The following FAM149A variants were observed in gnomAD, a reference collection of about 807,000 sequenced individuals.
The protein encoded by FAM149A is protein FAM149A.
Under a neutral mutation model 78.2 loss-of-function variants are expected in FAM149A, and 71 were observed. The observed-to-expected ratio is 0.91, with a 90% CI of 0.75 to 1.11. FAM149A has a LOEUF of 1.11. Among genes scored for constraint, FAM149A ranks in the 50% least tolerant of loss-of-function variants. The probability of loss-of-function intolerance (pLI) is 0.00; values close to 1 mark genes in which losing one functional copy is unlikely to be tolerated. For synonymous variants in FAM149A, 446 were observed against 410.5 expected, an observed-to-expected ratio of 1.09 and a Z score of -1.04; for missense variants, 1,036 against 971.0, an observed-to-expected ratio of 1.07 and a Z score of -0.89.
chr4:186,154,875 C>T, intron 6 of FAM149A: 1 of 985,392 alleles, frequency 1.0e-6, no homozygotes, highest in South Asian at 4.7e-5. Flanking sequence ...CTCCTCGCAG[C>T]CCTGGTCCTG....
intron 1 of FAM149A, chr4:186,133,333 C>T (rs1044859130): frequency 3.1e-6 from 1 of 326,754 alleles, no homozygotes; most frequent in Non-Finnish European, 4.4e-6. Context: ...AACAAACTCA[C>T]TACCTGTTAC....
chr4:186,151,703 C>T (rs1394384507), intron 3 of FAM149A, 200 bp from the exon 4 acceptor site: 31 of 984,682 alleles, frequency 3.1e-5, no homozygotes, highest in Non-Finnish European at 3.5e-5. Context: ...TAAAAGAATC[C>T]GAGGCTCAGA....
chr4:186,152,076 G>T (rs1313480767), intron 4 of FAM149A, 31 bp downstream of exon 4: 3 of 1,611,552 alleles, frequency 1.9e-6, no homozygotes, highest in Non-Finnish European at 1.7e-6. Context: ...GTTCTCTGGG[G>T]TGGGTTTTCC....
In FAM149A at chr4:186,148,862, C is replaced by A. The variant is rs61593314; in HGVS notation, c.567-311C>A. Among the ~76,000 whole-genome samples the A allele has an allele frequency of 4.5e-3, 680 of 152,248 alleles. 4 individuals are homozygous for A. The highest frequency in any genetic ancestry group is 0.015 in the African/African-American group (642 of 41,548). ...AAATACTGTGAACTGTTTGGGGCAACTTTTCCTTCTCTGGCTGAGTCACAA... is the reference window on the plus strand; with the variant it reads ...AAATACTGTGAACTGTTTGGGGCAAATTTTCCTTCTCTGGCTGAGTCACAA... On this transcript the variant is annotated intron_variant, in intron 1 of 13. Coordinates refer to ENST00000389354, the MANE Select transcript of FAM149A (RefSeq NM_001367768.3).
chr4:186,126,528 G>A (rs1365012034), intron 1 of FAM149A, among the ~76,000 whole-genome samples: 6 of 152,152 alleles, frequency 3.9e-5, no homozygotes, highest in South Asian at 2.1e-4. Context: ...GAGGAAGGGC[G>A]AATTCTCTTC....
intron 1 of FAM149A, among the ~76,000 whole-genome samples, chr4:186,135,008 C>A (rs2099322138): frequency 6.6e-6 from 1 of 152,166 alleles, no homozygotes; most frequent in Admixed American, 6.5e-5. Flanking sequence ...CTCGAAGTGC[C>A]ATCCTGGGCC....
intron 1 of FAM149A, among the ~76,000 whole-genome samples, chr4:186,117,209 C>T (rs901597764): frequency 1.3e-5 from 2 of 152,134 alleles, no homozygotes; most frequent in Non-Finnish European, 1.5e-5. Context: ...ATTCTTACTA[C>T]CCACAGCATC....
At chr4:186,125,632 A>T in intron 1 of FAM149A, 1 of 867,224 alleles carries the variant, frequency 1.2e-6, no homozygotes, top group Non-Finnish European at 1.4e-6. Flanking sequence ...TGTCAGGTTT[A>T]AGTGAGATCA....
intron 1 of FAM149A, chr4:186,116,875 A>G (rs537977091): frequency 1.8e-4 from 87 of 494,754 alleles, no homozygotes; most frequent in African/African-American, 9.0e-4. Context: ...TGATAGTCCT[A>G]TGGGATTTGA....
chr4:186,166,974 G>A lies in FAM149A; in HGVS notation c.2017G>A (p.Gly673Arg). ...CATACTATCCTTCATTTAGTACAGA[G>A]GAAGGCATCTACAAAACCGTGTGTT... is the stretch of plus-strand genomic sequence containing the variant. Residue 673 changes from glycine to arginine, a missense_variant, in exon 12 of 14, where the codon GGA becomes AGA. Gly to Arg is a moderately radical substitution (Grantham distance 125). Around this residue, in one of 3 missense-constraint regions of FAM149A, gnomAD observed 716 missense variants for 711.8 expected, o/e 1.01. Transcript: ENST00000389354. 1 of 1,613,566 alleles carries A rather than the reference G, an allele frequency of 6.2e-7. No individual in the cohort carries two copies. The highest frequency in any genetic ancestry group is 1.1e-5 in the South Asian group (1 of 90,976).
At chr4:186,158,227 G>A (rs1482945546) in intron 8 of FAM149A, 2 of 1,265,876 alleles carry the variant, frequency 1.6e-6, no homozygotes, top group Non-Finnish European at 2.0e-6. Context: ...TCACTCGCCA[G>A]ACCCAGGCAG....
intron 3 of FAM149A, 28 bp from the exon 4 acceptor site, chr4:186,151,875 T>G: frequency 1.9e-6 from 3 of 1,611,914 alleles, no homozygotes; most frequent in Non-Finnish European, 2.5e-6. Context: ...ACTTGCAGTG[T>G]TGTAACCAAG....
intron 1 of FAM149A, among the ~76,000 whole-genome samples, chr4:186,115,323 C>T (rs1293411231): frequency 1.4e-5 from 2 of 138,554 alleles, no homozygotes; most frequent in South Asian, 5.1e-4. Flanking sequence ...TTTTCAACTT[C>T]TTTGCCTTTG....
At chr4:186,165,298 G>A (rs1269610732) in intron 10 of FAM149A, 46 bp from the exon 11 acceptor site, 1 of 1,611,382 alleles carries the variant, frequency 6.2e-7, no homozygotes, top group Admixed American at 1.7e-5. Flanking sequence ...TCACTTGCCA[G>A]TTATCCATGT....
intron 1 of FAM149A, chr4:186,127,129 G>A (rs2099318649): frequency 1.0e-6 from 1 of 985,310 alleles, no homozygotes; most frequent in African/African-American, 1.7e-5. Context: ...AGGTGCTGGA[G>A]CTGACTGCAC....
rs2099308323 is a variant in FAM149A at position 186,105,337 on chromosome 4, C to A, written c.261C>A (p.Ala87=). 6.8e-6 allele frequency: 8 copies of A among 1,169,872 alleles called. No individual in the cohort carries two copies. Among genetic ancestry groups the A allele is most frequent in the Non-Finnish European group, 8.5e-6 (8 of 939,880 alleles). 72.5% of individuals were successfully genotyped at this position (1,169,872 alleles called of 1,614,324 possible). Residue 87 remains alanine (A), a synonymous_variant, in exon 1 of 14, where the codon GCC becomes GCA. Coordinates refer to ENST00000389354, the MANE Select transcript of FAM149A (RefSeq NM_001367768.3). ...CCCGGGGCTCCGCCGCCAGCCGCGC[C>A]GCGGGAGCAGTGGGGACCCTGCTCT...
At chr4:186,121,025 A>G (rs1011478079) in intron 1 of FAM149A, among the ~76,000 whole-genome samples, 4 of 151,502 alleles carry the variant, frequency 2.6e-5, no homozygotes, top group South Asian at 2.1e-4. Flanking sequence ...AATCCATTTC[A>G]AAGTACAAAT....
At chr4:186,141,002 C>T (rs530157509) in intron 1 of FAM149A, among the ~76,000 whole-genome samples, 1 of 152,308 alleles carries the variant, frequency 6.6e-6, no homozygotes, top group South Asian at 2.1e-4. Flanking sequence ...TCTGATCCAA[C>T]TTGCCAGCAT....
chr4:186,134,902 A>G (rs755359142), intron 1 of FAM149A, among the ~76,000 whole-genome samples: 3 of 152,188 alleles, frequency 2.0e-5, no homozygotes, highest in African/African-American at 7.2e-5. Context: ...AGGGTGACAC[A>G]ATTCAATATG....
Sources: gnomAD v4.1 joint callset for allele counts (sites outside exome capture counted in the v4.1 genomes callset) on GRCh38, gnomAD v4.1.1 for gene constraint, gnomAD v4.1.1 regional missense constraint, MANE v1.5 for transcripts, NCBI Gene and HGNC (gene_info 2026-07-23, HGNC 2026-07-21) for gene names.